Variants in SOX6 observed in about 807,000 individuals in gnomAD.
The protein encoded by SOX6 is SRY-box transcription factor 6, also known as transcription factor SOX-6.
A neutral mutation model predicts 97.8 loss-of-function variants in SOX6; 11 were observed. The ratio of observed to expected loss-of-function variants is 0.11; its 90% CI spans 0.07 to 0.19. SOX6 has a LOEUF of 0.19. SOX6 is among the 10% of genes least tolerant of loss of function. SOX6 has a pLI of 1.00. For synonymous variants in SOX6, 360 were observed against 371.4 expected, an observed-to-expected ratio of 0.97 and a Z score of 0.35; for missense variants, 810 against 1,039.5, an observed-to-expected ratio of 0.78 and a Z score of 3.04.
intron 4 of SOX6, among the ~76,000 whole-genome samples, chr11:16,517,168 G>A (rs1170962241): frequency 6.6e-6 from 1 of 152,072 alleles, no homozygotes; most frequent in Non-Finnish European, 1.5e-5. Context: ...AGCTATTGAT[G>A]GGATGTATTT....
chr11:16,203,527 C>T (rs1477669694), intron 4 of SOX6, among the ~76,000 whole-genome samples: 2 of 152,080 alleles, frequency 1.3e-5, no homozygotes, highest in East Asian at 1.9e-4. Flanking sequence ...GACAAGAGTT[C>T]CCAAACATCA....
At chr11:16,419,921 C>A (rs1294732154) in intron 1 of SOX6, among the ~76,000 whole-genome samples, 1 of 152,122 alleles carries the variant, frequency 6.6e-6, no homozygotes, top group Non-Finnish European at 1.5e-5. Flanking sequence ...TTAAGAACAT[C>A]CCTACATGAC....
chr11:16,328,818 T>C (rs1856187887), intron 2 of SOX6, among the ~76,000 whole-genome samples: 1 of 152,146 alleles, frequency 6.6e-6, no homozygotes, highest in South Asian at 2.1e-4. Context: ...AAGACTAAAT[T>C]GCAAACATTT....
intron 1 of SOX6, among the ~76,000 whole-genome samples, chr11:16,399,345 A>ATTTTT (rs1247523884): frequency 7.0e-6 from 1 of 143,860 alleles, no homozygotes; most frequent in East Asian, 2.0e-4. Context: ...GTTTTATATT[A>ATTTTT]TTTTTATTTT....
intron 2 of SOX6, among the ~76,000 whole-genome samples, chr11:16,327,434 G>A (rs553112027): frequency 6.6e-6 from 1 of 151,962 alleles, no homozygotes; most frequent in Non-Finnish European, 1.5e-5. Flanking sequence ...CATCTAAGTG[G>A]AATAATAAAT....
intron 3 of SOX6, among the ~76,000 whole-genome samples, chr11:16,651,359 G>C (rs528040739): frequency 1.3e-5 from 2 of 152,102 alleles, no homozygotes; most frequent in South Asian, 4.2e-4. Flanking sequence ...GATGAACATA[G>C]ATGCAAAAAT....
intron 4 of SOX6, among the ~76,000 whole-genome samples, chr11:16,567,882 T>A (rs1448795856): frequency 4.0e-5 from 6 of 151,728 alleles, no homozygotes; most frequent in Non-Finnish European, 7.4e-5. Context: ...GCCATATTTT[T>A]TTTTTTTTTA....
intron 3 of SOX6, among the ~76,000 whole-genome samples, chr11:16,624,266 C>T (rs899163153): frequency 7.9e-5 from 12 of 151,848 alleles, no homozygotes; most frequent in African/African-American, 2.7e-4. Context: ...CAACTCACTG[C>T]AATCTCTGCC....
intron 3 of SOX6, among the ~76,000 whole-genome samples, chr11:16,288,549 A>G (rs1854817685): frequency 6.6e-6 from 1 of 152,162 alleles, no homozygotes; most frequent in Non-Finnish European, 1.5e-5. Flanking sequence ...GAAATGCTAA[A>G]CATTGGTACA....
intron 11 of SOX6, 151 bp downstream of exon 11, chr11:16,049,602 GAT>G: frequency 1.2e-6 from 1 of 863,580 alleles, no homozygotes; most frequent in Admixed American, 2.4e-5. Flanking sequence ...AATAAAAGAA[GAT>G]ACTAAATTGG....
At chr11:16,687,009 C>A (rs1308907993) in intron 3 of SOX6, among the ~76,000 whole-genome samples, 1 of 152,026 alleles carries the variant, frequency 6.6e-6, no homozygotes, top group African/African-American at 2.4e-5. Flanking sequence ...CCTGTAATCC[C>A]AGCTACTTGG....
At chr11:16,217,225 A>C (rs956775996) in intron 4 of SOX6, among the ~76,000 whole-genome samples, 1 of 152,170 alleles carries the variant, frequency 6.6e-6, no homozygotes, top group African/African-American at 2.4e-5. Context: ...TTCTAGCCCT[A>C]TACACTTACG....
At chr11:16,331,730 G>A (rs947683107) in intron 2 of SOX6, among the ~76,000 whole-genome samples, 2 of 152,180 alleles carry the variant, frequency 1.3e-5, no homozygotes, top group Non-Finnish European at 2.9e-5. Context: ...CTATCTCTAC[G>A]TACATTTCCA....
intron 9 of SOX6, among the ~76,000 whole-genome samples, chr11:16,064,413 A>T (rs1474594598): frequency 6.7e-6 from 1 of 148,604 alleles, no homozygotes; most frequent in Admixed American, 6.6e-5. Flanking sequence ...GTAGCCTACC[A>T]GAATCCACCC....
upstream of SOX6, among the ~76,000 whole-genome samples, chr11:16,477,144 G>T (rs1304315131): frequency 6.6e-6 from 1 of 152,092 alleles, no homozygotes; most frequent in Admixed American, 6.6e-5. Context: ...AAGAAACTTT[G>T]TTACAGAGGC....
upstream of SOX6, among the ~76,000 whole-genome samples, chr11:16,361,055 G>C (rs1857200868): frequency 6.6e-6 from 1 of 151,560 alleles, no homozygotes; most frequent in African/African-American, 2.4e-5. Flanking sequence ...ATTAGCAACA[G>C]CTAACTCTCC....
intron 12 of SOX6, among the ~76,000 whole-genome samples, chr11:16,029,323 C>G (rs1376260538): frequency 6.6e-6 from 1 of 152,154 alleles, no homozygotes; most frequent in Non-Finnish European, 1.5e-5. Context: ...GACCGAGAGA[C>G]AGTTCCTTCA....
At chr11:16,518,161 C>A (rs1590230719) in intron 4 of SOX6, among the ~76,000 whole-genome samples, 1 of 152,234 alleles carries the variant, frequency 6.6e-6, no homozygotes, top group East Asian at 1.9e-4. Flanking sequence ...TAAATGTGGC[C>A]AAATTTTCTT....
intron 3 of SOX6, among the ~76,000 whole-genome samples, chr11:16,703,780 A>G (rs1331572575): frequency 6.6e-6 from 1 of 152,152 alleles, no homozygotes; most frequent in Non-Finnish European, 1.5e-5. Context: ...AACACAGAAG[A>G]ATTTGTATTT....
Sources: gnomAD v4.1 joint callset for allele counts (sites outside exome capture counted in the v4.1 genomes callset) on GRCh38, gnomAD v4.1.1 for gene constraint, MANE v1.5 for transcripts, NCBI Gene and HGNC (gene_info 2026-07-23, HGNC 2026-07-21) for gene names.